Variants in RUNX2 observed in about 807,000 individuals in gnomAD.
RUNX2 encodes runt-related transcription factor 2.
In RUNX2, 10 loss-of-function variants were observed where a neutral mutation model predicts 51.7. The ratio of observed to expected loss-of-function variants is 0.19; its 90% CI spans 0.12 to 0.33. RUNX2 has a LOEUF of 0.33. Ranked by LOEUF, RUNX2 falls within the 10% of genes least tolerant of loss-of-function variation. The probability of loss-of-function intolerance (pLI) is 1.00; values close to 1 mark genes in which losing one functional copy is unlikely to be tolerated. For synonymous variants in RUNX2, 276 were observed against 273.6 expected (o/e 1.01, Z -0.09); for missense variants, 562 against 691.3 (o/e 0.81, Z 2.10).
intron 2 of RUNX2, among the ~76,000 whole-genome samples, chr6:45,400,658 A>AT (rs935137915): frequency 2.0e-5 from 3 of 151,960 alleles, no homozygotes; most frequent in Non-Finnish European, 4.4e-5. Context: ...TGTCTTATGT[A>AT]TTTTTTTATT....
chr6:45,422,786 G>T lies in RUNX2; in HGVS notation c.252G>T (p.Ala84=), dbSNP rs749375048. ...AAAAAAAAAA[A]AAAAAVPRLR... ...CGGCTGCGGCGGCGGCGGCGGCTGC[G>T]GCGGCGGCAGCTGCAGTGCCCCGGT... is the stretch of plus-strand genomic sequence containing the variant. Residue 84 remains alanine, a synonymous_variant, in exon 3 of 9, where the codon GCG becomes GCT. Coordinates refer to ENST00000647337, the MANE Select transcript of RUNX2 (RefSeq NM_001024630.4). 25 of 1,491,488 alleles carry T rather than the reference G, an allele frequency of 1.7e-5. No homozygotes were observed. In the South Asian group the frequency reaches 3.1e-4, roughly 18 times the overall value. The allele number at this position is 1,491,488 out of a possible 1,614,324, so 92.4% of individuals were successfully genotyped here.
intron 7 of RUNX2, among the ~76,000 whole-genome samples, chr6:45,538,659 C>T (rs1358714944): frequency 1.3e-5 from 2 of 151,772 alleles, no homozygotes; most frequent in African/African-American, 2.4e-5. Context: ...CTTTTTTCCT[C>T]CTTTTTTCCT....
chr6:45,348,062 C>A (rs1228047507), intron 2 of RUNX2, among the ~76,000 whole-genome samples: 1 of 151,800 alleles, frequency 6.6e-6, no homozygotes, highest in African/African-American at 2.4e-5. Context: ...TGTATGTATC[C>A]CTCTAAATGG....
At chr6:45,420,510 C>G (rs1230777825) in intron 2 of RUNX2, among the ~76,000 whole-genome samples, 11 of 152,248 alleles carry the variant, frequency 7.2e-5, no homozygotes, top group Admixed American at 4.6e-4. Context: ...GATGACCCAA[C>G]CATCTTTCTT....
rs35549153 is a variant in RUNX2 at position 45,412,187 on chromosome 6, C to CAAA, written c.59-10389_59-10387dup. Among the ~76,000 whole-genome samples the CAAA allele has an allele frequency of 9.7e-4, 116 of 119,924 alleles. 1 individual carries two copies. The highest frequency in any genetic ancestry group is 3.1e-3 in the African/African-American group (97 of 31,116). 78.7% of individuals were successfully genotyped at this position (119,924 alleles called of 152,430 possible). On this transcript the variant is annotated intron_variant, in intron 2 of 8. Transcript: ENST00000647337. Reference sequence around the variant, plus strand: ...ACATGCCCAGTATCTATAAAAAATACAAAAAAAAAAAAAAAAAAATTAGCC... The same window carrying CAAA: ...ACATGCCCAGTATCTATAAAAAATACAAAAAAAAAAAAAAAAAAAAAATTAGCC...
At chr6:45,520,774 G>T (rs1563122076) in intron 7 of RUNX2, among the ~76,000 whole-genome samples, 1 of 152,062 alleles carries the variant, frequency 6.6e-6, no homozygotes, top group Non-Finnish European at 1.5e-5. Context: ...AGGCTGGAGT[G>T]CAGTGGTGTG....
chr6:45,475,219 G>T (rs1322652817), intron 5 of RUNX2, among the ~76,000 whole-genome samples: 1 of 152,000 alleles, frequency 6.6e-6, no homozygotes, highest in African/African-American at 2.4e-5. Flanking sequence ...TAGAACATGA[G>T]AAAGGGCATA....
chr6:45,367,016 C>A (rs1795245874), intron 2 of RUNX2, among the ~76,000 whole-genome samples: 1 of 152,068 alleles, frequency 6.6e-6, no homozygotes. Context: ...GGTCACTTAC[C>A]AAGGGCTGAG....
chr6:45,345,444 T>C (rs920886441), intron 2 of RUNX2, among the ~76,000 whole-genome samples: 1 of 152,132 alleles, frequency 6.6e-6, no homozygotes, highest in African/African-American at 2.4e-5. Flanking sequence ...TTTAGTATTA[T>C]AAATAATTAT....
At chr6:45,418,086 TA>T (rs1798102623) in intron 2 of RUNX2, among the ~76,000 whole-genome samples, 2 of 152,228 alleles carry the variant, frequency 1.3e-5, no homozygotes, top group Non-Finnish European at 2.9e-5. Context: ...AATGTGCCCA[TA>T]ATTTTCCATT....
rs748640088 is a variant in RUNX2 at position 45,547,054 on chromosome 6, A to G, written c.1315A>G (p.Thr439Ala). ...SSQSQSGPFQ[T>A]SSTPYLYYGT... ...CCAAAGCCAGAGTGGACCCTTCCAG[A>G]CCAGCAGCACTCCATATCTCTACTA... The change falls in exon 9 of 9, where the codon ACC becomes GCC. Residue 439 changes from threonine to alanine, a missense_variant. Physicochemically the swap from Thr to Ala is moderately conservative, Grantham distance 58. Around this residue, in one of 5 missense-constraint regions of RUNX2, gnomAD observed 304 missense variants for 353.2 expected, o/e 0.86. Coordinates refer to ENST00000647337, the MANE Select transcript of RUNX2 (RefSeq NM_001024630.4). 2.5e-6 allele frequency: 4 copies of G among 1,614,084 alleles called. No individual in the cohort carries two copies. Among genetic ancestry groups the G allele is most frequent in the Non-Finnish European group, 3.4e-6 (4 of 1,180,012 alleles).
At chr6:45,364,231 C>T (rs1794755595) in intron 2 of RUNX2, among the ~76,000 whole-genome samples, 1 of 151,958 alleles carries the variant, frequency 6.6e-6, no homozygotes, top group Non-Finnish European at 1.5e-5. Flanking sequence ...ATCCTAAGGC[C>T]AAAAAGTTTG....
At chr6:45,405,771 A>G (rs1012444352) in intron 2 of RUNX2, among the ~76,000 whole-genome samples, 3 of 151,770 alleles carry the variant, frequency 2.0e-5, no homozygotes, top group Non-Finnish European at 1.5e-5. Context: ...TGGCCAACAG[A>G]AGTGAAAATC....
chr6:45,493,613 A>G (rs910795385), intron 6 of RUNX2, among the ~76,000 whole-genome samples: 1 of 152,124 alleles, frequency 6.6e-6, no homozygotes, highest in Non-Finnish European at 1.5e-5. Context: ...CACTATATGC[A>G]TATAAGAAAT....
At chr6:45,445,829 C>T (rs181657607) in intron 5 of RUNX2, among the ~76,000 whole-genome samples, 4 of 78,402 alleles carry the variant, frequency 5.1e-5, no homozygotes, top group African/African-American at 2.0e-4. Flanking sequence ...ATGAGGGGGG[C>T]GGGGGGATGG....
intron 7 of RUNX2, among the ~76,000 whole-genome samples, chr6:45,519,822 G>GTATATATT (rs1801446953): frequency 7.5e-6 from 1 of 133,988 alleles, no homozygotes; most frequent in African/African-American, 2.6e-5. Context: ...GTGTGTGTGT[G>GTATATATT]TGTGTGTGTG....
chr6:45,418,787 G>T (rs1053240996), intron 2 of RUNX2, among the ~76,000 whole-genome samples: 23 of 152,134 alleles, frequency 1.5e-4, no homozygotes, highest in African/African-American at 5.1e-4. Flanking sequence ...TACCTGAAAC[G>T]TTGTTAGGGT....
chr6:45,344,937 G>A (rs1790545129), intron 2 of RUNX2, among the ~76,000 whole-genome samples: 1 of 152,080 alleles, frequency 6.6e-6, no homozygotes, highest in Non-Finnish European at 1.5e-5. Flanking sequence ...TAGTTGCCAT[G>A]GACTATGCTC....
intron 7 of RUNX2, among the ~76,000 whole-genome samples, chr6:45,528,492 G>A (rs1268399586): frequency 2.0e-5 from 3 of 152,056 alleles, no homozygotes; most frequent in Non-Finnish European, 4.4e-5. Context: ...GTGGTGGCAC[G>A]CAATTGTAAT....
Sources: gnomAD v4.1 joint callset for allele counts (sites outside exome capture counted in the v4.1 genomes callset) on GRCh38, gnomAD v4.1.1 for gene constraint, gnomAD v4.1.1 regional missense constraint, MANE v1.5 for transcripts, NCBI Gene and HGNC (gene_info 2026-07-23, HGNC 2026-07-21) for gene names.